ULK4: variants seen among roughly 807,000 people sequenced by gnomAD.
The protein encoded by ULK4 is inactive serine/threonine-protein kinase ULK4.
ULK4 carries 133 observed loss-of-function variants against 160.6 expected under a neutral mutation model. That is an observed-to-expected ratio of 0.83 (90% CI 0.72 to 0.96). The LOEUF (loss-of-function observed/expected upper bound fraction) is 0.96. Ranked by LOEUF, ULK4 falls within the 40% of genes least tolerant of loss-of-function variation. The pLI is 0.00. For synonymous variants in ULK4, 534 were observed against 539.8 expected, an observed-to-expected ratio of 0.99 and a Z score of 0.15; for missense variants, 1,580 against 1,499.5, an observed-to-expected ratio of 1.05 and a Z score of -0.89.
chr3:41,896,777 TA>T (rs1698173870), intron 15 of ULK4, 44 bp downstream of exon 15: 1 of 1,542,846 alleles, frequency 6.5e-7, no homozygotes, highest in Admixed American at 2.1e-5. Context: ...TGAGCCTCTA[TA>T]AAAACACAAA....
At chr3:41,373,672 C>T (rs903189392) in intron 35 of ULK4, among the ~76,000 whole-genome samples, 1 of 152,156 alleles carries the variant, frequency 6.6e-6, no homozygotes, top group African/African-American at 2.4e-5. Flanking sequence ...TAAATGCCCA[C>T]AGGAGAAAGC....
intron 19 of ULK4, among the ~76,000 whole-genome samples, chr3:41,805,760 G>T (rs1311089037): frequency 7.8e-6 from 1 of 128,934 alleles, no homozygotes; most frequent in African/African-American, 2.8e-5. Flanking sequence ...TTTTGTCTTT[G>T]GTTCTGTTTA....
chr3:41,771,576 G>C (rs573831860), intron 21 of ULK4, among the ~76,000 whole-genome samples: 1 of 152,028 alleles, frequency 6.6e-6, no homozygotes, highest in Non-Finnish European at 1.5e-5. Flanking sequence ...GAATATCTGT[G>C]AGATGTTACA....
At chr3:41,759,272 G>T (rs1431854488) in intron 21 of ULK4, among the ~76,000 whole-genome samples, 3 of 148,626 alleles carry the variant, frequency 2.0e-5, no homozygotes. Flanking sequence ...AAAATCCCAA[G>T]GAATTTACAA....
At chr3:41,368,006 A>C (rs533429916) in intron 35 of ULK4, among the ~76,000 whole-genome samples, 1 of 152,024 alleles carries the variant, frequency 6.6e-6, no homozygotes, top group South Asian at 2.1e-4. Context: ...GCTCGTGTAT[A>C]TTCCAAGTTA....
chr3:41,871,899 C>G lies in ULK4; in HGVS notation c.1656+11975G>C, dbSNP rs112646283. Among the ~76,000 whole-genome samples, 409 of 152,228 alleles carry G rather than the reference C, an allele frequency of 2.7e-3. 6 individuals are homozygous for G. The highest frequency in any genetic ancestry group is 9.4e-3 in the African/African-American group (391 of 41,536). On this transcript the variant is annotated intron_variant, in intron 17 of 36. Transcript: ENST00000301831. ...ATGCTCTTGGTGTTATGTCTAAAAT[C>G]TCTTTATCTAAGTCAGGGTCACCAA...
chr3:41,257,899 TA>T (rs1390371208), intron 35 of ULK4, among the ~76,000 whole-genome samples: 1 of 152,194 alleles, frequency 6.6e-6, no homozygotes, highest in Non-Finnish European at 1.5e-5. Context: ...GAGATATTAG[TA>T]AAAAATAAAT....
intron 7 of ULK4, among the ~76,000 whole-genome samples, chr3:41,917,197 G>A (rs1698999727): frequency 6.6e-6 from 1 of 152,082 alleles, no homozygotes; most frequent in Admixed American, 6.6e-5. Context: ...CAGGTCATCA[G>A]TCTATGGTTA....
intron 34 of ULK4, among the ~76,000 whole-genome samples, chr3:41,417,810 T>C (rs2082562336): frequency 6.6e-6 from 1 of 152,190 alleles, no homozygotes. Flanking sequence ...CTGGGAAATG[T>C]AGTTTTTATT....
At chr3:41,467,805 G>C (rs575222130) in intron 32 of ULK4, among the ~76,000 whole-genome samples, 1 of 152,318 alleles carries the variant, frequency 6.6e-6, no homozygotes, top group South Asian at 2.1e-4. Context: ...GTTATTTCTA[G>C]GAGAGGGGAA....
chr3:41,638,467 T>G (rs144129189), intron 30 of ULK4, among the ~76,000 whole-genome samples: 1 of 152,204 alleles, frequency 6.6e-6, no homozygotes, highest in African/African-American at 2.4e-5. Context: ...ATACAAAGTG[T>G]CACCGAGGCA....
intron 32 of ULK4, among the ~76,000 whole-genome samples, chr3:41,471,934 C>CAAA (rs201968512): frequency 0.021 from 2,700 of 131,004 alleles, 86 homozygotes; most frequent in African/African-American, 0.07. Flanking sequence ...TGTTATATCT[C>CAAA]AAAAAAAAAA....
intron 22 of ULK4, among the ~76,000 whole-genome samples, chr3:41,729,851 C>A (rs919154347): frequency 1.3e-5 from 2 of 152,186 alleles, no homozygotes; most frequent in Non-Finnish European, 2.9e-5. Context: ...GCTGAAACAA[C>A]GGCACAAAGT....
chr3:41,337,354 C>T (rs538191433), intron 35 of ULK4, among the ~76,000 whole-genome samples: 81 of 152,196 alleles, frequency 5.3e-4, no homozygotes, highest in African/African-American at 1.9e-3. Flanking sequence ...TAAGAACTGT[C>T]ATCTCTCTTG....
intron 32 of ULK4, among the ~76,000 whole-genome samples, chr3:41,493,320 G>C (rs1313627998): frequency 4.1e-5 from 6 of 145,130 alleles, no homozygotes; most frequent in African/African-American, 1.5e-4. Flanking sequence ...ACCTGCTCCT[G>C]AATGACTACT....
rs370408735 is a variant in ULK4, at chr3:41,828,546, C to T, written c.1764+7318G>A. 2.5e-3 allele frequency among the ~76,000 whole-genome samples: 322 copies of T among 128,072 alleles called. 31 individuals carry two copies. The highest frequency in any genetic ancestry group is 5.5e-3 in the African/African-American group (157 of 28,384). The allele number at this position is 128,072 out of a possible 152,430, so 84.0% of individuals were successfully genotyped here. On this transcript the variant is annotated intron_variant, in intron 18 of 36. Transcript: ENST00000301831. The stretch of plus-strand genomic sequence containing the variant: ...ATCATGAGTGAACTCCCATTCACAA[C>T]TGCTTCAAAGAGAATAAAATACCTA...
intron 22 of ULK4, among the ~76,000 whole-genome samples, chr3:41,732,188 C>T (rs1032724828): frequency 6.6e-6 from 1 of 151,820 alleles, no homozygotes; most frequent in Non-Finnish European, 1.5e-5. Flanking sequence ...AACAGACAGG[C>T]TACAGAATGG....
At chr3:41,312,877 G>A (rs1246362506) in intron 35 of ULK4, among the ~76,000 whole-genome samples, 1 of 152,120 alleles carries the variant, frequency 6.6e-6, no homozygotes, top group Admixed American at 6.5e-5. Context: ...GGCCCCAGGA[G>A]GGTTTTTTTC....
intron 6 of ULK4, 40 bp downstream of exon 6, chr3:41,919,677 A>G (rs375140112): frequency 5.2e-6 from 8 of 1,527,608 alleles, no homozygotes; most frequent in Non-Finnish European, 7.2e-6. Flanking sequence ...CCTGGTTTTT[A>G]GTCCAGCTCT....
Sources: allele counts gnomAD v4.1 joint callset (sites outside exome capture counted in the v4.1 genomes callset), GRCh38; gene constraint gnomAD v4.1.1; transcripts MANE v1.5; gene names NCBI Gene and HGNC (gene_info 2026-07-23, HGNC 2026-07-21).